Variants in ODAD2 observed in about 807,000 individuals in gnomAD.
ODAD2 encodes outer dynein arm docking complex subunit 2, also known as outer dynein arm-docking complex subunit 2.
Under a neutral mutation model 106.8 loss-of-function variants are expected in ODAD2, and 89 were observed. The ratio of observed to expected loss-of-function variants is 0.83; its 90% CI spans 0.70 to 0.99. The LOEUF is 0.99. Among genes scored for constraint, ODAD2 ranks in the 50% least tolerant of loss-of-function variants. ODAD2 has a pLI of 0.00. For synonymous variants in ODAD2, 404 were observed against 436.2 expected (o/e 0.93, Z 0.92); for missense variants, 1,168 against 1,238.5 (o/e 0.94, Z 0.85).
chr10:27,879,407 T>G (rs560581822), intron 17 of ODAD2, among the ~76,000 whole-genome samples: 10 of 151,840 alleles, frequency 6.6e-5, no homozygotes, highest in Non-Finnish European at 1.5e-4. Context: ...TGTATATCTA[T>G]GCATATGTCT....
intron 1 of ODAD2, among the ~76,000 whole-genome samples, chr10:27,998,761 A>G (rs935194794): frequency 6.6e-6 from 1 of 151,924 alleles, no homozygotes; most frequent in African/African-American, 2.4e-5. Flanking sequence ...CGGCTGCAGA[A>G]CCCCTGCGGG....
intron 10 of ODAD2, 138 bp downstream of exon 10, chr10:27,961,430 C>T: frequency 1.2e-6 from 1 of 854,096 alleles, no homozygotes; most frequent in East Asian, 2.7e-5. Flanking sequence ...TTGCCCTGCA[C>T]AAACTTAGAT....
At chr10:27,922,365 C>G (rs928184958) in intron 16 of ODAD2, among the ~76,000 whole-genome samples, 5 of 151,812 alleles carry the variant, frequency 3.3e-5, no homozygotes, top group Non-Finnish European at 7.4e-5. Context: ...AGAACTTAAG[C>G]TAATTGAATC....
At chr10:27,953,797 G>A (rs1315897227) in intron 10 of ODAD2, among the ~76,000 whole-genome samples, 3 of 152,176 alleles carry the variant, frequency 2.0e-5, no homozygotes, top group Non-Finnish European at 4.4e-5. Context: ...GAGCATATAT[G>A]AGTGTGCTAT....
chr10:27,839,723 T>C (rs1448902656), intron 19 of ODAD2, among the ~76,000 whole-genome samples: 2 of 152,200 alleles, frequency 1.3e-5, no homozygotes, highest in African/African-American at 2.4e-5. Context: ...TAAAGATGTA[T>C]AATTTGCCAA....
chr10:27,930,461 C>A (rs1845533950), intron 16 of ODAD2, among the ~76,000 whole-genome samples: 1 of 151,880 alleles, frequency 6.6e-6, no homozygotes, highest in African/African-American at 2.4e-5. Context: ...CTGCAGTGAA[C>A]AATGATGGCA....
rs371338930 is a variant in ODAD2, at chr10:27,860,700, C to A, written c.2946G>T (p.Ala982=). 3 of 1,614,024 alleles carry A rather than the reference C, an allele frequency of 1.9e-6. No individual in the cohort carries two copies. The highest frequency in any genetic ancestry group is 2.5e-6 in the Non-Finnish European group (3 of 1,180,018). The change falls in exon 19 of 20, where the codon GCG becomes GCT. Residue 982 remains alanine (A), a synonymous_variant. Coordinates refer to ENST00000305242, the MANE Select transcript of ODAD2 (RefSeq NM_018076.5). ...LKSNDTNVHR[A]TAQALYQLSE... is the part of the protein sequence containing the mutation. ...AGAGTTGGTACAAGGCCTGAGCTGT[C>A]GCCCGATGCACGTTGGTGTCATTTG...
intron 12 of ODAD2, among the ~76,000 whole-genome samples, chr10:27,942,066 T>C (rs1270981041): frequency 6.6e-6 from 1 of 152,170 alleles, no homozygotes; most frequent in Admixed American, 6.6e-5. Context: ...GGAAAAATTC[T>C]AAGACCGTGG....
intron 17 of ODAD2, among the ~76,000 whole-genome samples, chr10:27,890,800 C>A (rs919510855): frequency 1.3e-5 from 2 of 151,360 alleles, no homozygotes; most frequent in Non-Finnish European, 2.9e-5. Context: ...TATTATCATT[C>A]GTTACTCTAA....
At chr10:27,830,541 T>G (rs1005963004) in intron 19 of ODAD2, among the ~76,000 whole-genome samples, 1 of 152,228 alleles carries the variant, frequency 6.6e-6, no homozygotes, top group Non-Finnish European at 1.5e-5. Context: ...CTTTAACTTA[T>G]GAAATTTCAA....
At chr10:27,984,311 G>A (rs1344414649) in intron 4 of ODAD2, 21 bp from the exon 5 acceptor site, 1 of 1,501,568 alleles carries the variant, frequency 6.7e-7, no homozygotes, top group Non-Finnish European at 9.3e-7. Context: ...TGTTTAAAAT[G>A]TCAGCTTAAA....
chr10:27,939,998 G>A lies in ODAD2; in HGVS notation c.1996C>T (p.Arg666Trp), dbSNP rs762051082. 16 of 1,601,858 alleles carry A rather than the reference G, an allele frequency of 1.0e-5. No individual in the cohort carries two copies. Among genetic ancestry groups the A allele is most frequent in the East Asian group, 4.6e-5 (2 of 43,740 alleles). The change falls in exon 14 of 20, where the codon CGG becomes TGG. Residue 666 changes from arginine (R) to tryptophan (W), a missense_variant. Physicochemically the swap from Arg to Trp is moderately radical, Grantham distance 101. Transcript: ENST00000305242. Reference sequence around the variant, plus strand: ...ATCCTTTCTGCTTTGATTGCAGCCCGGTAGTTTTCCTAGGAATAAAAACCT... The same window carrying A: ...ATCCTTTCTGCTTTGATTGCAGCCCAGTAGTTTTCCTAGGAATAAAAACCT... ...LQECASEENY[R>W]AAIKAERIIE...
chr10:27,874,937 T>C (rs182584748), intron 17 of ODAD2, among the ~76,000 whole-genome samples: 1,778 of 152,328 alleles, frequency 0.012, 18 homozygotes, highest in Non-Finnish European at 0.02. Context: ...CTGGATAATA[T>C]CCTGCAGAGT....
At chr10:27,942,276 T>C (rs1489066512) in intron 12 of ODAD2, among the ~76,000 whole-genome samples, 1 of 152,226 alleles carries the variant, frequency 6.6e-6, no homozygotes, top group Non-Finnish European at 1.5e-5. Context: ...ATTGGTTAAA[T>C]AATTGTCTTA....
chr10:27,817,491 T>C (rs1169305557), intron 19 of ODAD2, among the ~76,000 whole-genome samples: 2 of 152,156 alleles, frequency 1.3e-5, no homozygotes, highest in East Asian at 1.9e-4. Flanking sequence ...TTAACCCTCA[T>C]TCCCCCTCCC....
chr10:27,940,505 T>G, intron 13 of ODAD2, 58 bp downstream of exon 13: 1 of 1,595,938 alleles, frequency 6.3e-7, no homozygotes. Flanking sequence ...TAGAAACAAC[T>G]TTTGGACTAA....
intron 19 of ODAD2, among the ~76,000 whole-genome samples, chr10:27,820,212 C>T (rs925574884): frequency 6.6e-6 from 1 of 152,122 alleles, no homozygotes; most frequent in African/African-American, 2.4e-5. Context: ...CTCCACATGC[C>T]ACTGGCTGCT....
At chr10:27,908,264 G>A (rs1005080375) in intron 16 of ODAD2, among the ~76,000 whole-genome samples, 1 of 152,148 alleles carries the variant, frequency 6.6e-6, no homozygotes, top group Non-Finnish European at 1.5e-5. Context: ...ACACCACAGT[G>A]CATCCTTTGT....
In ODAD2 at chr10:27,934,697, G is replaced by C. The variant is rs1448806506; in HGVS notation, c.2495+313C>G. ...GTACCTGACACTCTCTAGGAGCCTA[G>C]TTAGATAGATGTATAATACTTCCCT... On this transcript the variant is annotated intron_variant, in intron 16 of 19. Coordinates refer to ENST00000305242, the MANE Select transcript of ODAD2 (RefSeq NM_018076.5). Among the ~76,000 whole-genome samples the C allele has an allele frequency of 2.0e-5, 3 of 152,112 alleles. No homozygotes were observed. In the East Asian group the frequency reaches 5.8e-4, roughly 29 times the overall value.
Sources: allele counts gnomAD v4.1 joint callset (sites outside exome capture counted in the v4.1 genomes callset), GRCh38; gene constraint gnomAD v4.1.1; transcripts MANE v1.5; gene names NCBI Gene and HGNC (gene_info 2026-07-23, HGNC 2026-07-21).